The following MINDY2 variants were observed in gnomAD, a reference collection of about 807,000 sequenced individuals.
The protein encoded by MINDY2 is MINDY lysine 48 deubiquitinase 2, also known as ubiquitin carboxyl-terminal hydrolase MINDY-2.
Under a neutral mutation model 68.2 loss-of-function variants are expected in MINDY2, and 52 were observed. The ratio of observed to expected loss-of-function variants is 0.76; its 90% CI spans 0.61 to 0.96. The LOEUF (loss-of-function observed/expected upper bound fraction) is 0.96. MINDY2 is among the 40% of genes least tolerant of loss of function. The probability of loss-of-function intolerance (pLI) is 0.00; values close to 1 mark genes in which losing one functional copy is unlikely to be tolerated. For missense variants in MINDY2, 881 were observed against 773.4 expected (o/e 1.14, Z -1.65); for synonymous variants, 372 against 303.0 (o/e 1.23, Z -2.36).
intron 1 of MINDY2, among the ~76,000 whole-genome samples, chr15:58,781,527 T>G (rs1261877002): frequency 3.3e-5 from 5 of 152,236 alleles, no homozygotes; most frequent in Admixed American, 3.3e-4. Context: ...AGGGTCTAAA[T>G]TATGATAAAA....
intron 3 of MINDY2, among the ~76,000 whole-genome samples, chr15:58,806,647 A>G (rs918627339): frequency 1.3e-5 from 2 of 152,208 alleles, no homozygotes; most frequent in East Asian, 1.9e-4. Flanking sequence ...GCCCAGAGCC[A>G]TTAGAAATCA....
At chr15:58,803,293 C>CTA (rs1467092278) in intron 3 of MINDY2, among the ~76,000 whole-genome samples, 26 of 149,454 alleles carry the variant, frequency 1.7e-4, no homozygotes, top group African/African-American at 6.1e-4. Flanking sequence ...GGTGAAACCC[C>CTA]ATTTCTACTA....
chr15:58,784,573 G>A (rs1225852781), intron 1 of MINDY2, among the ~76,000 whole-genome samples: 2 of 150,430 alleles, frequency 1.3e-5, no homozygotes, highest in East Asian at 1.9e-4. Flanking sequence ...ACTAAAATAG[G>A]TCATAGTTGA....
At chr15:58,829,431 C>A (rs1401720364) in intron 5 of MINDY2, among the ~76,000 whole-genome samples, 1 of 152,070 alleles carries the variant, frequency 6.6e-6, no homozygotes, top group East Asian at 1.9e-4. Flanking sequence ...GTTTGATGTC[C>A]TTGGGCAAGT....
chr15:58,839,330 G>A (rs1488556978), intron 6 of MINDY2, among the ~76,000 whole-genome samples: 2 of 151,662 alleles, frequency 1.3e-5, no homozygotes, highest in Non-Finnish European at 2.9e-5. Flanking sequence ...TTTTTTGTTT[G>A]TTTGTTTGTT....
chr15:58,838,781 A>G (rs1409574623), intron 6 of MINDY2, among the ~76,000 whole-genome samples: 1 of 151,706 alleles, frequency 6.6e-6, no homozygotes, highest in East Asian at 1.9e-4. Flanking sequence ...TGGTTGCACC[A>G]TGTTGTCCAG....
intron 1 of MINDY2, among the ~76,000 whole-genome samples, chr15:58,785,671 A>C (rs747381099): frequency 3.8e-4 from 58 of 152,172 alleles, no homozygotes; most frequent in Non-Finnish European, 6.5e-4. Flanking sequence ...CTGCTTTAAA[A>C]AAATAATCTA....
intron 1 of MINDY2, among the ~76,000 whole-genome samples, chr15:58,777,057 A>G (rs1363649195): frequency 6.6e-6 from 1 of 152,244 alleles, no homozygotes; most frequent in Non-Finnish European, 1.5e-5. Flanking sequence ...AGTGGAGATT[A>G]TGCTTAGGAA....
intron 2 of MINDY2, among the ~76,000 whole-genome samples, chr15:58,796,936 G>T (rs1475685377): frequency 2.0e-5 from 3 of 152,130 alleles, no homozygotes; most frequent in Admixed American, 2.0e-4. Context: ...CTTGTTCTCA[G>T]ATGGAATTGT....
chr15:58,853,616 C>T lies in MINDY2; in HGVS notation c.1738-866C>T, dbSNP rs542229160. On this transcript the variant is annotated intron_variant, in intron 8 of 8. Coordinates refer to ENST00000559228, the MANE Select transcript of MINDY2 (RefSeq NM_001040450.3). ...CAGGTGGATCTCGAGGCCAGGAGTTCGAGACCAGCCTGGCCAATATGATGA... is the reference window on the plus strand; with the variant it reads ...CAGGTGGATCTCGAGGCCAGGAGTTTGAGACCAGCCTGGCCAATATGATGA... Among the ~76,000 whole-genome samples the T allele has an allele frequency of 9.2e-5, 14 of 151,692 alleles. No homozygotes were observed. The East Asian group carries it at 2.0e-3, about 21-fold the overall frequency.
intron 1 of MINDY2, among the ~76,000 whole-genome samples, 157 bp downstream of exon 1, chr15:58,772,392 A>T (rs1595691054): frequency 6.6e-6 from 1 of 152,196 alleles, no homozygotes; most frequent in Non-Finnish European, 1.5e-5. Context: ...TTGAAGGAAT[A>T]TTCCTTTATA....
intron 3 of MINDY2, among the ~76,000 whole-genome samples, chr15:58,806,620 T>C (rs1567053165): frequency 6.6e-6 from 1 of 152,096 alleles, no homozygotes; most frequent in Non-Finnish European, 1.5e-5. Context: ...AGCAAATATA[T>C]GAAGGTATAA....
At position 58,851,672 on chromosome 15, in the gene MINDY2, G is replaced by A. The variant is rs181278684; in HGVS notation, c.1543-99G>A. 5.7e-4 allele frequency: 540 copies of A among 939,754 alleles called. 2 individuals carry two copies. In the East Asian group the frequency reaches 0.013, roughly 23 times the overall value. 58.2% of individuals were successfully genotyped at this position (939,754 alleles called of 1,614,324 possible). On this transcript the variant is annotated intron_variant, in intron 7 of 8. Coordinates refer to ENST00000559228, the MANE Select transcript of MINDY2 (RefSeq NM_001040450.3). The stretch of plus-strand genomic sequence containing the variant: ...CCCAGGCCTGGTGTATTTTTTAATA[G>A]CCATTCTTACAGCTTTATAGATATA...
At chr15:58,821,531 G>A (rs2140998648) in intron 4 of MINDY2, among the ~76,000 whole-genome samples, 186 bp from the exon 5 acceptor site, 1 of 152,098 alleles carries the variant, frequency 6.6e-6, no homozygotes, top group East Asian at 1.9e-4. Flanking sequence ...TTCATAATGT[G>A]TCCTACTGAG....
intron 6 of MINDY2, among the ~76,000 whole-genome samples, chr15:58,838,960 C>T (rs2032141718): frequency 6.6e-6 from 1 of 151,982 alleles, no homozygotes; most frequent in African/African-American, 2.4e-5. Flanking sequence ...CATCTCAAGA[C>T]CTAGGCCAAC....
chr15:58,800,439 T>C (rs569626359), intron 2 of MINDY2, among the ~76,000 whole-genome samples: 5 of 152,194 alleles, frequency 3.3e-5, no homozygotes, highest in Non-Finnish European at 4.4e-5. Context: ...GCCAAACTTA[T>C]CAGCATATTA....
chr15:58,771,589 A>ACTCGGCTTCTCCCGCGGG lies in MINDY2; in HGVS notation c.198_215dup (p.Ala67_Ser72dup). Reference sequence around the variant, plus strand: ...GCGGCCGCCAGGAGGAGCCTCCCGGACTCGGCTTCTCCCGCGGGCTCTCCT... The same window carrying ACTCGGCTTCTCCCGCGGG: ...GCGGCCGCCAGGAGGAGCCTCCCGGACTCGGCTTCTCCCGCGGGCTCGGCTTCTCCCGCGGGCTCTCCT... On this transcript the variant is annotated inframe_insertion, in exon 1 of 9. Transcript: ENST00000559228. 1 of 1,611,550 alleles carries ACTCGGCTTCTCCCGCGGG rather than the reference A, an allele frequency of 6.2e-7. No individual in the cohort carries two copies. Among genetic ancestry groups the ACTCGGCTTCTCCCGCGGG allele is most frequent in the Non-Finnish European group, 8.5e-7 (1 of 1,179,674 alleles).
intron 1 of MINDY2, among the ~76,000 whole-genome samples, chr15:58,779,666 T>G (rs551891951): frequency 6.6e-6 from 1 of 152,186 alleles, no homozygotes; most frequent in African/African-American, 2.4e-5. Flanking sequence ...AATTGTGGGG[T>G]TTTGTTTACA....
At chr15:58,814,453 C>T (rs1165914169) in intron 4 of MINDY2, among the ~76,000 whole-genome samples, 3 of 151,866 alleles carry the variant, frequency 2.0e-5, no homozygotes, top group African/African-American at 7.3e-5. Context: ...GTGGCATGAT[C>T]ATAGCTCACT....
Sources: allele counts gnomAD v4.1 joint callset (sites outside exome capture counted in the v4.1 genomes callset), GRCh38; gene constraint gnomAD v4.1.1; transcripts MANE v1.5; gene names NCBI Gene and HGNC (gene_info 2026-07-23, HGNC 2026-07-21).